The following TMC7 variants were observed in gnomAD, a reference collection of about 807,000 sequenced individuals.
TMC7 encodes the protein transmembrane channel-like protein 7.
Under a neutral mutation model 82.9 loss-of-function variants are expected in TMC7, and 54 were observed. That is an observed-to-expected ratio of 0.65 (90% CI 0.52 to 0.82). The LOEUF (loss-of-function observed/expected upper bound fraction) is 0.82. Among genes scored for constraint, TMC7 ranks in the 40% least tolerant of loss-of-function variants. The pLI, the probability that TMC7 is intolerant of heterozygous loss-of-function variation, is 0.00. For missense variants in TMC7, 820 were observed against 901.2 expected (o/e 0.91, Z 1.15); for synonymous variants, 350 against 337.9 (o/e 1.04, Z -0.39).
intron 15 of TMC7, 95 bp downstream of exon 15, chr16:19,059,589 T>G: frequency 6.2e-7 from 1 of 1,609,124 alleles, no homozygotes; most frequent in African/African-American, 1.3e-5. Flanking sequence ...GTGAAATTAC[T>G]GCAGCCTTCT....
chr16:19,047,358 C>A, intron 12 of TMC7, 109 bp downstream of exon 12: 3 of 887,926 alleles, frequency 3.4e-6, no homozygotes, highest in Non-Finnish European at 5.1e-6. Context: ...ATCAAAATTA[C>A]ATCCTTTATT....
intron 1 of TMC7, among the ~76,000 whole-genome samples, chr16:18,992,864 C>A (rs1387413966): frequency 2.0e-5 from 3 of 152,072 alleles, no homozygotes; most frequent in Non-Finnish European, 4.4e-5. Context: ...AATCCTTTCC[C>A]CATTTCTTGT....
At chr16:19,024,677 C>G (rs1237013097) in intron 5 of TMC7, among the ~76,000 whole-genome samples, 1 of 151,874 alleles carries the variant, frequency 6.6e-6, no homozygotes, top group Non-Finnish European at 1.5e-5. Context: ...TCCCAAGTAG[C>G]TAGGACTACA....
Position 19,030,454 on chromosome 16 carries a change from T to C in TMC7, c.857+85T>C, listed in dbSNP as rs1168231826. ...TATGGGAGCTCTGGAAGCCATTGCCTAAAGGATGAGTGGAGTCCAATGATG... is the reference window on the plus strand; with the variant it reads ...TATGGGAGCTCTGGAAGCCATTGCCCAAAGGATGAGTGGAGTCCAATGATG... On this transcript the variant is annotated intron_variant, in intron 6 of 15. Coordinates refer to ENST00000304381, the MANE Select transcript of TMC7 (RefSeq NM_024847.4). 16 of 1,477,270 alleles carry C rather than the reference T, an allele frequency of 1.1e-5. No homozygotes were observed. In the East Asian group the frequency reaches 3.8e-4, roughly 35 times the overall value. 91.5% of individuals were successfully genotyped at this position (1,477,270 alleles called of 1,614,324 possible). A position where few individuals can be genotyped will look rare whatever the true frequency, so the allele number is the denominator to read the frequency against.
chr16:19,063,934 GTTTTAAA>G lies in TMC7; in HGVS notation c.*2092_*2098del, dbSNP rs1567535603. The G allele has an allele frequency of 6.6e-6, 1 of 152,162 alleles. No individual in the cohort carries two copies. Among genetic ancestry groups the G allele is most frequent in the Admixed American group, 6.6e-5 (1 of 15,260 alleles). 9.4% of individuals were successfully genotyped at this position (152,162 alleles called of 1,614,324 possible). A position where few individuals can be genotyped will look rare whatever the true frequency, so the allele number is the denominator to read the frequency against. On this transcript the variant is annotated 3_prime_UTR_variant, in exon 16 of 16. Coordinates refer to ENST00000304381, the MANE Select transcript of TMC7 (RefSeq NM_024847.4). ...CTCCTGATTAAACGGCGTCTTGAAG[GTTTTAAA>G]ATGTGATCGTGTATACTGGAATTCA...
At chr16:19,044,599 A>T (rs1261715132) in intron 9 of TMC7, among the ~76,000 whole-genome samples, 1 of 151,826 alleles carries the variant, frequency 6.6e-6, no homozygotes, top group Non-Finnish European at 1.5e-5. Context: ...CAGGAGTTCG[A>T]GACCACCTGG....
intron 13 of TMC7, among the ~76,000 whole-genome samples, chr16:19,052,065 G>A (rs1961565384): frequency 6.6e-6 from 1 of 151,970 alleles, no homozygotes; most frequent in Admixed American, 6.6e-5. Context: ...TGAGTAGCTG[G>A]GACTACAGGT....
At chr16:19,020,358 G>A (rs1322708801) in intron 3 of TMC7, among the ~76,000 whole-genome samples, 4 of 152,082 alleles carry the variant, frequency 2.6e-5, no homozygotes, top group African/African-American at 9.7e-5. Flanking sequence ...TGGGCGGGGG[G>A]AAGGATAATA....
chr16:19,010,472 G>T (rs1959261913), intron 2 of TMC7, among the ~76,000 whole-genome samples: 1 of 152,126 alleles, frequency 6.6e-6, no homozygotes, highest in South Asian at 2.1e-4. Context: ...TTTCTTGCTA[G>T]CATAAAGTAC....
chr16:19,000,152 C>T (rs1190248500), intron 1 of TMC7, among the ~76,000 whole-genome samples: 4 of 152,040 alleles, frequency 2.6e-5, no homozygotes, highest in East Asian at 1.9e-4. Context: ...GGACACCCTC[C>T]CTCCACTTAA....
intron 1 of TMC7, among the ~76,000 whole-genome samples, chr16:18,985,972 A>G (rs2038840404): frequency 6.6e-6 from 1 of 151,734 alleles, no homozygotes; most frequent in African/African-American, 2.4e-5. Flanking sequence ...GTTTGAGGTT[A>G]CAGTAAGCTA....
At position 19,040,291 on chromosome 16, in the gene TMC7, A is replaced by G; in HGVS notation, c.1182A>G (p.Glu394=). The part of the protein sequence containing the change: ...TVFSQEHMKK[E]IDKMVFGENL... ...AATAAGTTTTGTTATCCTCCTAGGA[A>G]ATCGACAAGATGGTTTTTGGAGAGA... is the stretch of plus-strand genomic sequence containing the variant. The change falls in exon 9 of 16, where the codon GAA becomes GAG. Residue 394 remains glutamate (E), a splice_region_variant and synonymous_variant. Coordinates refer to ENST00000304381, the MANE Select transcript of TMC7 (RefSeq NM_024847.4). The G allele has an allele frequency of 2.5e-6, 4 of 1,613,106 alleles. No individual in the cohort carries two copies. Among genetic ancestry groups the G allele is most frequent in the Non-Finnish European group, 3.4e-6 (4 of 1,179,732 alleles).
intron 1 of TMC7, among the ~76,000 whole-genome samples, chr16:18,990,777 G>A (rs1281962553): frequency 6.6e-6 from 1 of 152,120 alleles, no homozygotes; most frequent in African/African-American, 2.4e-5. Flanking sequence ...GGGTGGGGGA[G>A]ATTATAAAGA....
intron 12 of TMC7, 82 bp downstream of exon 12, chr16:19,047,331 C>T: frequency 1.7e-6 from 2 of 1,209,010 alleles, no homozygotes; most frequent in Non-Finnish European, 1.2e-6. Context: ...GAGCTCACCT[C>T]ACATCCCATG....
At chr16:18,984,351 A>G in intron 1 of TMC7, 1 of 1,296,524 alleles carries the variant, frequency 7.7e-7, no homozygotes, top group South Asian at 2.3e-5. Context: ...AGCCGGGCCA[A>G]AAGGACACGA....
At chr16:19,054,134 C>T (rs1961663586) in intron 13 of TMC7, among the ~76,000 whole-genome samples, 1 of 152,170 alleles carries the variant, frequency 6.6e-6, no homozygotes, top group South Asian at 2.1e-4. Flanking sequence ...AAGTCTTATA[C>T]ACAGACCTTT....
At chr16:19,040,209 T>A in intron 8 of TMC7, 80 bp from the exon 9 acceptor site, 1 of 1,300,988 alleles carries the variant, frequency 7.7e-7, no homozygotes, top group Non-Finnish European at 1.1e-6. Context: ...ACACACATAG[T>A]TGAGTTCTTT....
chr16:19,054,650 G>T (rs1210973020), intron 13 of TMC7, among the ~76,000 whole-genome samples: 1 of 151,518 alleles, frequency 6.6e-6, no homozygotes, highest in East Asian at 2.0e-4. Flanking sequence ...GGGAGGCAGA[G>T]GTTGCAGTGA....
intron 5 of TMC7, among the ~76,000 whole-genome samples, chr16:19,024,566 T>A (rs1960134383): frequency 6.6e-6 from 1 of 152,172 alleles, no homozygotes; most frequent in Admixed American, 6.6e-5. Context: ...TTATTTATTT[T>A]TTATTTTTTT....
Sources: allele counts gnomAD v4.1 joint callset (sites outside exome capture counted in the v4.1 genomes callset), GRCh38; gene constraint gnomAD v4.1.1; transcripts MANE v1.5; gene names NCBI Gene and HGNC (gene_info 2026-07-23, HGNC 2026-07-21).